Variants in XIAP observed in about 807,000 individuals in gnomAD.
XIAP encodes the protein E3 ubiquitin-protein ligase XIAP.
XIAP carries 3 observed loss-of-function variants against 33.1 expected under a neutral mutation model. The ratio of observed to expected loss-of-function variants is 0.09; its 90% confidence interval spans 0.04 to 0.23. The LOEUF (loss-of-function observed/expected upper bound fraction) is 0.23. Among genes scored for constraint, XIAP ranks in the 10% least tolerant of loss-of-function variants. XIAP has a pLI of 1.00. For missense variants in XIAP, 264 were observed against 363.0 expected (o/e 0.73, Z 2.22); for synonymous variants, 98 against 121.3 (o/e 0.81, Z 1.26).
chrX:123,910,621 G>A lies in XIAP; in HGVS notation c.*3440G>A, dbSNP rs954600600. The A allele has an allele frequency of 5.5e-5, 18 of 327,102 alleles. No homozygotes were observed. The highest frequency in any genetic ancestry group is 1.0e-4 in the Non-Finnish European group (17 of 169,496). 27.0% of individuals were successfully genotyped at this position (327,102 alleles called of 1,213,427 possible). ...TCAGTGGCTCACGCCTGTAATCCCA[G>A]CACTTTGGGAGGCTGAGGCAGGTGG... On this transcript the variant is annotated 3_prime_UTR_variant, in exon 7 of 7. Coordinates refer to ENST00000371199, the MANE Select transcript of XIAP (RefSeq NM_001167.4).
intron 6 of XIAP, among the ~76,000 whole-genome samples, chrX:123,903,957 AAATAAT>A: frequency 9.1e-6 from 1 of 110,218 alleles, no homozygotes; most frequent in East Asian, 2.8e-4. Flanking sequence ...TATCTTTAAA[AAATAAT>A]AATAATAATA....
At chrX:123,885,118 G>A (rs1467691659) in intron 1 of XIAP, among the ~76,000 whole-genome samples, 5 of 111,099 alleles carry the variant, frequency 4.5e-5, no homozygotes, top group African/African-American at 1.6e-4. Flanking sequence ...GAACACATTG[G>A]AACCAATATT....
chrX:123,862,101 G>A (rs1367272984), intron 1 of XIAP, among the ~76,000 whole-genome samples: 1 of 108,358 alleles, frequency 9.2e-6, no homozygotes, highest in Non-Finnish European at 1.9e-5. Flanking sequence ...TTTTTGAGAC[G>A]GAGTCTTACT....
chrX:123,895,695 G>A (rs2053452858), intron 5 of XIAP, among the ~76,000 whole-genome samples: 1 of 109,711 alleles, frequency 9.1e-6, no homozygotes, highest in Non-Finnish European at 1.9e-5. Flanking sequence ...TAATGATATT[G>A]AGCATCTTTT....
intron 1 of XIAP, among the ~76,000 whole-genome samples, chrX:123,882,875 T>A (rs144606352): frequency 3.2e-3 from 351 of 111,127 alleles, no homozygotes; most frequent in African/African-American, 9.6e-3. Context: ...ACTTCCTGGG[T>A]TCAAGCAATT....
intron 4 of XIAP, among the ~76,000 whole-genome samples, 165 bp from the exon 5 acceptor site, chrX:123,892,566 T>C (rs2053417597): frequency 9.0e-6 from 1 of 111,201 alleles, no homozygotes; most frequent in Non-Finnish European, 1.9e-5. Context: ...GATAATCTTA[T>C]GACTTCCTTC....
At chrX:123,868,704 C>T (rs2053166256) in intron 1 of XIAP, among the ~76,000 whole-genome samples, 1 of 111,583 alleles carries the variant, frequency 9.0e-6, no homozygotes. Flanking sequence ...CCCATTCCAG[C>T]TTGGGGGACA....
intron 4 of XIAP, among the ~76,000 whole-genome samples, chrX:123,891,823 T>TA (rs11325824): frequency 0.18 from 13,638 of 76,340 alleles, 1,158 homozygotes; most frequent in South Asian, 0.3. Flanking sequence ...CCCTATCTCT[T>TA]AAAAAAAAAA....
At chrX:123,894,516 C>T (rs2053440860) in intron 5 of XIAP, among the ~76,000 whole-genome samples, 2 of 112,094 alleles carry the variant, frequency 1.8e-5, no homozygotes, top group Non-Finnish European at 3.8e-5. Context: ...CGCCTATAAT[C>T]CCAGCACTTT....
chrX:123,871,730 AAAGT>A (rs2053195382), intron 1 of XIAP, among the ~76,000 whole-genome samples: 1 of 110,025 alleles, frequency 9.1e-6, no homozygotes, highest in Non-Finnish European at 1.9e-5. Flanking sequence ...CTTTTTCTGT[AAAGT>A]AAGAGAATGA....
At chrX:123,892,708 T>TA (rs1322093451) in intron 4 of XIAP, 23 bp from the exon 5 acceptor site, 1 of 1,173,420 alleles carries the variant, frequency 8.5e-7, no homozygotes, top group Non-Finnish European at 1.2e-6. Context: ...AATTCTAACT[T>TA]ACAGTTCCTA....
intron 1 of XIAP, among the ~76,000 whole-genome samples, chrX:123,869,168 T>C: frequency 9.3e-6 from 1 of 108,032 alleles, no homozygotes; most frequent in Non-Finnish European, 1.9e-5. Context: ...AATATTATGG[T>C]TTGAAATTTT....
At chrX:123,899,157 ATATATATATGATTTT>A (rs2053490786) in intron 5 of XIAP, among the ~76,000 whole-genome samples, 3 of 38,381 alleles carry the variant, frequency 7.8e-5, no homozygotes, top group Admixed American at 3.5e-4. Flanking sequence ...ATATATATAT[ATATATATATGATTTT>A]ATATATATAT....
intron 6 of XIAP, among the ~76,000 whole-genome samples, chrX:123,904,087 C>CTTTG (rs1002795203): frequency 9.0e-6 from 1 of 111,618 alleles, no homozygotes; most frequent in African/African-American, 3.3e-5. Context: ...ATTGTTGTTG[C>CTTTG]TTTGTTTGTT....
At chrX:123,898,296 T>G (rs1205539950) in intron 5 of XIAP, among the ~76,000 whole-genome samples, 2 of 112,679 alleles carry the variant, frequency 1.8e-5, no homozygotes, top group Non-Finnish European at 3.8e-5. Context: ...GTCTCCTAAC[T>G]GGTCTTTTGT....
chrX:123,864,380 A>T (rs997597623), intron 1 of XIAP, among the ~76,000 whole-genome samples: 3 of 108,975 alleles, frequency 2.8e-5, no homozygotes, highest in African/African-American at 1.0e-4. Context: ...TGAGCACTTA[A>T]TGTGTTCCAG....
At chrX:123,862,280 G>A (rs1035469842) in intron 1 of XIAP, among the ~76,000 whole-genome samples, 8 of 108,562 alleles carry the variant, frequency 7.4e-5, no homozygotes, top group African/African-American at 2.3e-4. Flanking sequence ...TGTTGGCCAG[G>A]CTGATCTCGA....
intron 6 of XIAP, among the ~76,000 whole-genome samples, chrX:123,901,087 C>T (rs2053511015): frequency 9.0e-6 from 1 of 111,145 alleles, no homozygotes; most frequent in African/African-American, 3.3e-5. Flanking sequence ...ATGGGGGGGT[C>T]TCATCTTCAT....
chrX:123,892,879 G>T, intron 5 of XIAP, 106 bp downstream of exon 5: 3 of 736,197 alleles, frequency 4.1e-6, no homozygotes, highest in Non-Finnish European at 6.1e-6. Context: ...GGAGTGCAGT[G>T]GTGCGATCTC....
Sources: allele counts gnomAD v4.1 joint callset (sites outside exome capture counted in the v4.1 genomes callset), GRCh38; gene constraint gnomAD v4.1.1; transcripts MANE v1.5; gene names NCBI Gene and HGNC (gene_info 2026-07-23, HGNC 2026-07-21).